The following TEKTL1 variants were observed in gnomAD, a reference collection of about 807,000 sequenced individuals.
The protein encoded by TEKTL1 is tektin like 1.
At chr19:15,021,957 C>T in the TEKTL1 span, 1 of 1,501,290 alleles carries the variant, frequency 6.7e-7, no homozygotes. Flanking sequence ...GGCCCAGCCC[C>T]GCCAATGGTA....
the TEKTL1 span, chr19:15,022,895 A>G: frequency 6.3e-7 from 1 of 1,599,438 alleles, no homozygotes; most frequent in Non-Finnish European, 8.5e-7. Flanking sequence ...GCAGTGCCAC[A>G]TCACGTACCT....
chr19:15,011,420 C>G, the TEKTL1 span: 1 of 1,402,236 alleles, frequency 7.1e-7, no homozygotes, highest in Non-Finnish European at 9.3e-7. Context: ...CACGCCCAAC[C>G]CCAGCCTAAC....
the TEKTL1 span, chr19:15,010,945 G>T: frequency 1.3e-6 from 2 of 1,588,482 alleles, no homozygotes; most frequent in African/African-American, 1.3e-5. Context: ...ATCGCTGCGG[G>T]CAGGAGGCGG....
chr19:15,010,858 C>T, the TEKTL1 span: 2 of 1,551,160 alleles, frequency 1.3e-6, no homozygotes, highest in African/African-American at 1.4e-5. Context: ...CTGAGCGCAG[C>T]CAGGACACAC....
At chr19:15,016,670 G>A in the TEKTL1 span, among the ~76,000 whole-genome samples, 1 of 152,238 alleles carries the variant, frequency 6.6e-6, no homozygotes, top group East Asian at 1.9e-4. Context: ...TGTACACTCT[G>A]TAGGATTCCA....
the TEKTL1 span, among the ~76,000 whole-genome samples, chr19:15,018,732 A>ATATATATT: frequency 1.5e-3 from 117 of 78,634 alleles, 21 homozygotes; most frequent in East Asian, 0.015. Flanking sequence ...ATATATATAT[A>ATATATATT]ACTTCCCTGG....
At chr19:15,015,556 C>T in the TEKTL1 span, among the ~76,000 whole-genome samples, 1 of 152,214 alleles carries the variant, frequency 6.6e-6, no homozygotes, top group East Asian at 1.9e-4. Flanking sequence ...TTCTCCTGCA[C>T]CATCAACATT....
the TEKTL1 span, chr19:15,011,037 G>A: frequency 6.3e-7 from 1 of 1,579,394 alleles, no homozygotes. Flanking sequence ...ATCCAGCCCT[G>A]GCGCTTCCGC....
the TEKTL1 span, among the ~76,000 whole-genome samples, chr19:15,015,332 C>T: frequency 0.7 from 106,275 of 152,016 alleles, 37,314 homozygotes; most frequent in East Asian, 0.81. Context: ...TGAAGTCAAA[C>T]CTCAAATTGG....
At chr19:15,020,762 C>T in the TEKTL1 span, 2 of 981,796 alleles carry the variant, frequency 2.0e-6, no homozygotes, top group Admixed American at 5.0e-5. Context: ...GGGAAATAGC[C>T]CTAGAGTCAA....
the TEKTL1 span, chr19:15,010,951 G>A: frequency 1.3e-6 from 2 of 1,590,444 alleles, no homozygotes; most frequent in Admixed American, 3.5e-5. Flanking sequence ...GCGGGCAGGA[G>A]GCGGTGACCA....
At chr19:15,017,876 T>A in the TEKTL1 span, among the ~76,000 whole-genome samples, 1 of 152,090 alleles carries the variant, frequency 6.6e-6, no homozygotes, top group South Asian at 2.1e-4. Context: ...ACTTAGGAAT[T>A]GCTTCTTCCC....
the TEKTL1 span, among the ~76,000 whole-genome samples, chr19:15,012,961 C>T: frequency 6.6e-6 from 1 of 152,198 alleles, no homozygotes; most frequent in South Asian, 2.1e-4. Context: ...ACCCAATTCC[C>T]CTGGCTTCAG....
chr19:15,011,876 T>C, the TEKTL1 span, among the ~76,000 whole-genome samples: 1 of 151,910 alleles, frequency 6.6e-6, no homozygotes, highest in Non-Finnish European at 1.5e-5. Context: ...ACCGCTTGAG[T>C]CCAGGCCTTC....
At chr19:15,023,114 C>A in the TEKTL1 span, 424,167 of 1,595,240 alleles carry the variant, frequency 0.27, 59,789 homozygotes, top group East Asian at 0.49. Context: ...CAGCGCGGAC[C>A]CCTAGTGACC....
chr19:15,021,383 G>T, the TEKTL1 span: 1 of 1,614,222 alleles, frequency 6.2e-7, no homozygotes, highest in Non-Finnish European at 8.5e-7. Flanking sequence ...GAAGCCAAGC[G>T]GTTGTTGGTC....
At chr19:15,021,307 G>A in the TEKTL1 span, 4 of 1,602,192 alleles carry the variant, frequency 2.5e-6, no homozygotes, top group East Asian at 9.0e-5. Context: ...AGGGGCTCTG[G>A]GAACGGAGGA....
chr19:15,022,765 C>T, the TEKTL1 span: 13 of 1,068,984 alleles, frequency 1.2e-5, no homozygotes, highest in African/African-American at 1.8e-4. Context: ...CAGATGTGTT[C>T]CCCTCCTCAG....
the TEKTL1 span, chr19:15,023,217 C>A: frequency 9.1e-7 from 1 of 1,095,850 alleles, no homozygotes; most frequent in Admixed American, 2.8e-5. Flanking sequence ...CCCTGACGCA[C>A]CCTCCCTCCA....
Sources: gnomAD v4.1 joint callset for allele counts (sites outside exome capture counted in the v4.1 genomes callset) on GRCh38, gnomAD v4.1.1 for gene constraint, MANE v1.5 for transcripts, NCBI Gene and HGNC (gene_info 2026-07-23, HGNC 2026-07-21) for gene names.